The following PAX3 variants were observed in gnomAD, a reference collection of about 807,000 sequenced individuals.
PAX3 encodes the protein paired box protein Pax-3.
In PAX3, 14 loss-of-function variants were observed where a neutral mutation model predicts 51.6. That is an observed-to-expected ratio of 0.27 (90% CI 0.18 to 0.42). PAX3 has a LOEUF of 0.42. Ranked by LOEUF, PAX3 falls within the 10% of genes least tolerant of loss-of-function variation. PAX3 has a pLI of 1.00. For missense variants in PAX3, 540 were observed against 642.8 expected (o/e 0.84, Z 1.73); for synonymous variants, 280 against 253.4 (o/e 1.11, Z -1.00).
At chr2:222,250,041 T>A (rs1289382837) in intron 4 of PAX3, among the ~76,000 whole-genome samples, 1 of 152,052 alleles carries the variant, frequency 6.6e-6, no homozygotes, top group African/African-American at 2.4e-5. Context: ...TGAATAAAAC[T>A]GTGGTTTTAT....
intron 7 of PAX3, among the ~76,000 whole-genome samples, chr2:222,218,389 T>C (rs888811232): frequency 3.9e-5 from 6 of 152,188 alleles, no homozygotes; most frequent in African/African-American, 1.4e-4. Flanking sequence ...GTTTCACTTA[T>C]AGAATACAGG....
At chr2:222,229,995 G>A (rs1436669987) in intron 5 of PAX3, among the ~76,000 whole-genome samples, 1 of 151,972 alleles carries the variant, frequency 6.6e-6, no homozygotes, top group South Asian at 2.1e-4. Context: ...AAGAGCCTGG[G>A]CAACATGGCA....
chr2:222,277,920 G>A (rs1301215734), intron 4 of PAX3, among the ~76,000 whole-genome samples: 2 of 140,212 alleles, frequency 1.4e-5, no homozygotes, highest in African/African-American at 5.2e-5. Flanking sequence ...GCAACAGAGC[G>A]AGACTCCATC....
At chr2:222,276,861 A>G (rs1289180934) in intron 4 of PAX3, among the ~76,000 whole-genome samples, 1 of 152,244 alleles carries the variant, frequency 6.6e-6, no homozygotes, top group African/African-American at 2.4e-5. Context: ...CTACAAAGAC[A>G]GAGGATGCTG....
intron 4 of PAX3, among the ~76,000 whole-genome samples, chr2:222,232,727 T>G (rs1692645241): frequency 6.6e-6 from 1 of 152,176 alleles, no homozygotes; most frequent in Non-Finnish European, 1.5e-5. Flanking sequence ...GAGTTTTGTT[T>G]CTGATAAATT....
Position 222,220,136 on chromosome 2 carries a change from T to C in PAX3, c.1173+4A>G. 1 of 1,612,576 alleles carries C rather than the reference T, an allele frequency of 6.2e-7. No homozygotes were observed. Among genetic ancestry groups the C allele is most frequent in the Non-Finnish European group, 8.5e-7 (1 of 1,178,934 alleles). ...AATCGTCTGTCTAGAAACACGGGAC[T>C]GACCTGAGGTGAGAGGCCATTGCCA... On this transcript the variant is annotated splice_donor_region_variant and intron_variant, in intron 7 of 8. Coordinates refer to ENST00000392070, the MANE Select transcript of PAX3 (RefSeq NM_181458.4).
chr2:222,295,805 A>C, intron 2 of PAX3, 148 bp from the exon 3 acceptor site: 1 of 898,166 alleles, frequency 1.1e-6, no homozygotes, highest in Non-Finnish European at 1.8e-6. Context: ...GAACTCTCTG[A>C]GGCACTTTAG....
At chr2:222,234,673 T>C (rs1692733367) in intron 4 of PAX3, among the ~76,000 whole-genome samples, 1 of 152,210 alleles carries the variant, frequency 6.6e-6, no homozygotes. Context: ...TTGATGCTGA[T>C]TCTACCGACC....
chr2:222,253,473 G>C (rs571418589), intron 4 of PAX3, among the ~76,000 whole-genome samples: 1 of 151,514 alleles, frequency 6.6e-6, no homozygotes, highest in Admixed American at 6.6e-5. Flanking sequence ...AACAAACCTA[G>C]GTGATGCACC....
At chr2:222,220,721 G>A (rs530144545) in intron 6 of PAX3, among the ~76,000 whole-genome samples, 1 of 152,290 alleles carries the variant, frequency 6.6e-6, no homozygotes, top group East Asian at 1.9e-4. Context: ...TACTTTTAAA[G>A]CACCTAAATA....
intron 4 of PAX3, among the ~76,000 whole-genome samples, chr2:222,290,726 A>T (rs1189380749): frequency 6.6e-6 from 1 of 152,158 alleles, no homozygotes; most frequent in Non-Finnish European, 1.5e-5. Context: ...CAAAGCAAAA[A>T]TGTTTCCCAA....
intron 4 of PAX3, among the ~76,000 whole-genome samples, chr2:222,285,590 G>C (rs889541078): frequency 6.6e-6 from 1 of 152,188 alleles, no homozygotes; most frequent in African/African-American, 2.4e-5. Context: ...GTATGTGACC[G>C]TATCAGCATT....
chr2:222,285,648 G>A (rs896855795), intron 4 of PAX3, among the ~76,000 whole-genome samples: 1 of 152,148 alleles, frequency 6.6e-6, no homozygotes, highest in Non-Finnish European at 1.5e-5. Flanking sequence ...AAATTTCATA[G>A]CAATTAACTT....
At chr2:222,208,227 C>T (rs1260676866) in intron 7 of PAX3, among the ~76,000 whole-genome samples, 2 of 152,162 alleles carry the variant, frequency 1.3e-5, no homozygotes, top group East Asian at 1.9e-4. Flanking sequence ...ATTTAATATG[C>T]TTTGTGACCA....
chr2:222,252,271 A>G (rs935341960), intron 4 of PAX3, among the ~76,000 whole-genome samples: 2 of 152,232 alleles, frequency 1.3e-5, no homozygotes, highest in African/African-American at 2.4e-5. Context: ...GGACCTTGAC[A>G]GAAGATATTT....
At chr2:222,275,240 C>T (rs1291153027) in intron 4 of PAX3, among the ~76,000 whole-genome samples, 1 of 152,110 alleles carries the variant, frequency 6.6e-6, no homozygotes, top group Non-Finnish European at 1.5e-5. Context: ...TTCTTCCTAA[C>T]ATTCTCGTTT....
At chr2:222,237,586 C>T (rs1381827068) in intron 4 of PAX3, among the ~76,000 whole-genome samples, 1 of 152,048 alleles carries the variant, frequency 6.6e-6, no homozygotes, top group African/African-American at 2.4e-5. Context: ...TTGTATGTTT[C>T]CAAGGTATAG....
chr2:222,235,712 A>G (rs1471506017), intron 4 of PAX3, among the ~76,000 whole-genome samples: 2 of 152,134 alleles, frequency 1.3e-5, no homozygotes, highest in Non-Finnish European at 2.9e-5. Context: ...GAAGGGCAAA[A>G]GCTCCCTTGA....
At chr2:222,230,425 T>G in intron 5 of PAX3, among the ~76,000 whole-genome samples, 3 of 135,504 alleles carry the variant, frequency 2.2e-5, no homozygotes, top group Admixed American at 7.5e-5. Flanking sequence ...GGTGGGGGGC[T>G]AGGGGAGGGA....
Sources: gnomAD v4.1 joint callset for allele counts (sites outside exome capture counted in the v4.1 genomes callset) on GRCh38, gnomAD v4.1.1 for gene constraint, MANE v1.5 for transcripts, NCBI Gene and HGNC (gene_info 2026-07-23, HGNC 2026-07-21) for gene names.